The following FCRL2 variants were observed in gnomAD, a reference collection of about 807,000 sequenced individuals.
The protein encoded by FCRL2 is Fc receptor like 2, also known as Fc receptor-like protein 2.
Under a neutral mutation model 59.8 loss-of-function variants are expected in FCRL2, and 48 were observed. The observed-to-expected ratio is 0.80, with a 90% CI of 0.64 to 1.02. The LOEUF is 1.02. Ranked by LOEUF, FCRL2 falls within the 50% of genes least tolerant of loss-of-function variation. FCRL2 has a pLI of 0.00. For synonymous variants in FCRL2, 251 were observed against 229.5 expected (o/e 1.09, Z -0.85); for missense variants, 658 against 597.3 (o/e 1.10, Z -1.06).
In FCRL2 at chr1:157,767,268, C is replaced by A; in HGVS notation, c.1125G>T (p.Gly375=). The part of the protein sequence containing the change: ...NYSCEANNGL[G]AQCSEAVPVS... ...CTGGCACTGCCTCACTGCACTGGGC[C>A]CCCAGGCCGTTGTTGGCCTCACAGG... Residue 375 remains glycine (G), a synonymous_variant, in exon 6 of 12, where the codon GGG becomes GGT. Transcript: ENST00000361516. 6.2e-7 allele frequency: 1 copy of A among 1,614,088 alleles called. No individual in the cohort carries two copies. Among genetic ancestry groups the A allele is most frequent in the South Asian group, 1.1e-5 (1 of 91,066 alleles).
chr1:157,765,669 G>A (rs1389334996), intron 7 of FCRL2, among the ~76,000 whole-genome samples: 3 of 152,166 alleles, frequency 2.0e-5, no homozygotes, highest in South Asian at 4.1e-4. Context: ...GTGGGGTTTG[G>A]AGACATAGCA....
intron 7 of FCRL2, among the ~76,000 whole-genome samples, chr1:157,760,662 G>A (rs1049995628): frequency 0.011 from 1,349 of 119,398 alleles, 33 homozygotes; most frequent in African/African-American, 0.045. Context: ...AAAGAAGGAA[G>A]GAAGGAAGGA....
intron 7 of FCRL2, among the ~76,000 whole-genome samples, chr1:157,763,596 C>T (rs558629478): frequency 6.6e-6 from 1 of 152,220 alleles, no homozygotes; most frequent in South Asian, 2.1e-4. Context: ...TGTTGCCCAA[C>T]TCTGTGTTAC....
intron 7 of FCRL2, among the ~76,000 whole-genome samples, chr1:157,764,755 C>T (rs1035239852): frequency 6.6e-6 from 1 of 152,076 alleles, no homozygotes; most frequent in Non-Finnish European, 1.5e-5. Flanking sequence ...AGATGGAAAT[C>T]AAACATATTT....
chr1:157,772,724 C>A (rs1458701256), intron 2 of FCRL2, among the ~76,000 whole-genome samples: 1 of 152,152 alleles, frequency 6.6e-6, no homozygotes, highest in Non-Finnish European at 1.5e-5. Flanking sequence ...AACCAAGTAT[C>A]CCATTTTTCT....
chr1:157,750,134 G>T (rs1332325479), intron 7 of FCRL2, among the ~76,000 whole-genome samples: 3 of 152,160 alleles, frequency 2.0e-5, no homozygotes, highest in African/African-American at 7.2e-5. Context: ...TGATCTTGGG[G>T]CTAAGCTGGA....
In FCRL2 at chr1:157,767,533, A is replaced by G. The variant is rs750458816; in HGVS notation, c.884-24T>C. ...AACTGACAGACACAGAGGGGCTATC[A>G]GAAAAGATTTGTGATGCCTCAATAG... On this transcript the variant is annotated intron_variant, in intron 5 of 11. Transcript: ENST00000361516. 25 of 1,614,282 alleles carry G rather than the reference A, an allele frequency of 1.5e-5. No individual in the cohort carries two copies. In the South Asian group the frequency reaches 2.5e-4, roughly 16 times the overall value.
Position 157,770,086 on chromosome 1 carries a change from G to A in FCRL2, c.375C>T (p.Ser125=). The A allele has an allele frequency of 1.2e-6, 2 of 1,614,172 alleles. No homozygotes were observed. Among genetic ancestry groups the A allele is most frequent in the Non-Finnish European group, 1.7e-6 (2 of 1,180,024 alleles). The stretch of plus-strand genomic sequence containing the variant: ...GAGAGAGCCGGGTCTCACATTTCAG[G>A]CTCACTGGACCCCCTTCGATGGGCT... ...SFQPIEGGPV[S]LKCETRLSPQ... is the part of the protein sequence containing the mutation. The change falls in exon 4 of 12, where the codon AGC becomes AGT. Residue 125 remains serine (S), a synonymous_variant. Coordinates refer to ENST00000361516, the MANE Select transcript of FCRL2 (RefSeq NM_030764.4).
chr1:157,769,537 C>T, intron 4 of FCRL2: 1 of 216,810 alleles, frequency 4.6e-6, no homozygotes. Flanking sequence ...ACGCCTTTCT[C>T]CTGCCTCAGC....
At position 157,766,428 on chromosome 1, in the gene FCRL2, G is replaced by A. The variant is rs540581238; in HGVS notation, c.1279+427C>T. Among the ~76,000 whole-genome samples the A allele has an allele frequency of 2.4e-3, 365 of 151,966 alleles. 1 individual carries two copies. The highest frequency in any genetic ancestry group is 4.2e-3 in the Non-Finnish European group (285 of 67,958). ...GGAGCTTGCAGTGAGCTGAGATCACGCCACTGCACTCCAGCCTGGGCAACA... is the reference window on the plus strand; with the variant it reads ...GGAGCTTGCAGTGAGCTGAGATCACACCACTGCACTCCAGCCTGGGCAACA... On this transcript the variant is annotated intron_variant, in intron 7 of 11. Coordinates refer to ENST00000361516, the MANE Select transcript of FCRL2 (RefSeq NM_030764.4).
chr1:157,768,805 T>C, intron 4 of FCRL2, 104 bp from the exon 5 acceptor site: 2 of 1,121,734 alleles, frequency 1.8e-6, no homozygotes, highest in Non-Finnish European at 2.5e-6. Context: ...GTGGAGATTG[T>C]ATAGATAATC....
intron 7 of FCRL2, among the ~76,000 whole-genome samples, chr1:157,751,269 G>A (rs1648164100): frequency 6.6e-6 from 1 of 152,182 alleles, no homozygotes; most frequent in Admixed American, 6.5e-5. Context: ...ACATTTCAAA[G>A]GGCTGGCTCC....
chr1:157,760,275 G>A (rs1381469709), intron 7 of FCRL2, among the ~76,000 whole-genome samples: 6 of 152,178 alleles, frequency 3.9e-5, no homozygotes, highest in East Asian at 3.9e-4. Context: ...TACAACAGAT[G>A]CTGGGACCTA....
intron 2 of FCRL2, chr1:157,774,377 T>A: frequency 1.1e-5 from 5 of 454,040 alleles, no homozygotes; most frequent in South Asian, 7.8e-5. Context: ...AGCAAAGCCA[T>A]GATTTCAATT....
In FCRL2 at chr1:157,766,925, C is replaced by T. The variant is rs1353124418; in HGVS notation, c.1209G>A (p.Trp403Ter). The change falls in exon 7 of 12, where the codon TGG becomes TGA. Residue 403 changes from tryptophan to a stop codon, truncating the protein, a stop_gained. Coordinates refer to ENST00000361516, the MANE Select transcript of FCRL2 (RefSeq NM_030764.4). LOFTEE classifies it high-confidence loss of function. ...RRDLMTAGVL[W>*]GLFGVLGFTG... ...TGAAACCAAGGACACCAAACAGTCC[C>T]CAGAGAACTCCAGCTGTCATGAGGT... is the stretch of plus-strand genomic sequence containing the variant. 13 of 1,614,186 alleles carry T rather than the reference C, an allele frequency of 8.1e-6. No homozygotes were observed. Among genetic ancestry groups the T allele is most frequent in the Non-Finnish European group, 8.5e-6 (10 of 1,180,026 alleles).
intron 7 of FCRL2, among the ~76,000 whole-genome samples, chr1:157,753,471 T>C (rs946446934): frequency 6.6e-6 from 1 of 152,196 alleles, no homozygotes; most frequent in African/African-American, 2.4e-5. Context: ...GATACAAATA[T>C]ACAACCAAAT....
chr1:157,770,643 A>C lies in FCRL2; in HGVS notation c.76T>G (p.Ser26Ala). Residue 26 changes from serine (S) to alanine (A), a missense_variant, in exon 3 of 12, where the codon TCT becomes GCT. Coordinates refer to ENST00000361516, the MANE Select transcript of FCRL2 (RefSeq NM_030764.4). ...ATGCTGTCTCCTTCGAAGACAGAAG[A>C]GGGCGCCACAAGGGTCAGCGAATCT... ...QADSLTLVAP[S>A]SVFEGDSIVL... is the part of the protein sequence containing the mutation. The C allele has an allele frequency of 1.2e-6, 2 of 1,614,166 alleles. No homozygotes were observed. The highest frequency in any genetic ancestry group is 1.6e-4 in the Middle Eastern group (1 of 6,062).
At chr1:157,754,315 G>T (rs1174919977) in intron 7 of FCRL2, among the ~76,000 whole-genome samples, 2 of 152,108 alleles carry the variant, frequency 1.3e-5, no homozygotes, top group African/African-American at 4.8e-5. Flanking sequence ...TGCCCTCACT[G>T]CTACACTCCC....
At chr1:157,776,876 T>G (rs1157277427) in intron 1 of FCRL2, among the ~76,000 whole-genome samples, 167 bp downstream of exon 1, 2 of 152,142 alleles carry the variant, frequency 1.3e-5, no homozygotes, top group Admixed American at 1.3e-4. Context: ...TGCTGCAAAT[T>G]CACTGTCCTC....
Sources: allele counts gnomAD v4.1 joint callset (sites outside exome capture counted in the v4.1 genomes callset), GRCh38; gene constraint gnomAD v4.1.1; transcripts MANE v1.5; gene names NCBI Gene and HGNC (gene_info 2026-07-23, HGNC 2026-07-21).